The following NEMP2 variants were observed in gnomAD, a reference collection of about 807,000 sequenced individuals.
The protein encoded by NEMP2 is nuclear envelope integral membrane protein 2.
NEMP2 carries 53 observed loss-of-function variants against 54.2 expected under a neutral mutation model. The ratio of observed to expected loss-of-function variants is 0.98; its 90% CI spans 0.78 to 1.23. The LOEUF is 1.23. Ranked by LOEUF, NEMP2 falls within the 50% of genes most tolerant of loss-of-function variation. The pLI is 0.00. For missense variants in NEMP2, 455 were observed against 511.3 expected (o/e 0.89, Z 1.06); for synonymous variants, 197 against 190.3 (o/e 1.04, Z -0.29).
Position 190,525,482 on chromosome 2 carries a change from T to A in NEMP2, c.98-104A>T. ...TAACAGTAGCAGTTTTAACGTTCTA[T>A]GGCCAATAAATTCTCCTATATGATA... is the stretch of plus-strand genomic sequence containing the variant. On this transcript the variant is annotated intron_variant, in intron 1 of 8. Coordinates refer to ENST00000409150, the MANE Select transcript of NEMP2 (RefSeq NM_001142645.2). The surrounding 1 kb of genome is among the most constrained non-coding windows in gnomAD (Gnocchi z 5.0). 1 of 608,456 alleles carries A rather than the reference T, an allele frequency of 1.6e-6. No individual in the cohort carries two copies. The highest frequency in any genetic ancestry group is 2.9e-6 in the Non-Finnish European group (1 of 343,790). The allele number at this position is 608,456 out of a possible 1,614,324, so 37.7% of individuals were successfully genotyped here.
the NEMP2 span, chr2:190,607,685 T>A: frequency 6.6e-6 from 1 of 152,206 alleles, no homozygotes; most frequent in Non-Finnish European, 1.5e-5. This position sits in a 1 kb window ranked among gnomAD's most constrained non-coding sequence, Gnocchi z 5.2. Context: ...AACATAAATT[T>A]ACTATTTTAT....
At chr2:190,599,434 G>A in the NEMP2 span, among the ~76,000 whole-genome samples, 1 of 152,122 alleles carries the variant, frequency 6.6e-6, no homozygotes, top group Non-Finnish European at 1.5e-5. Context: ...TATAACTTCA[G>A]ATGAGTTATG....
At position 190,523,710 on chromosome 2, in the gene NEMP2, A is replaced by G. The variant is rs1457293414; in HGVS notation, c.213+1553T>C. Among the ~76,000 whole-genome samples the G allele has an allele frequency of 6.6e-6, 1 of 152,246 alleles. No individual in the cohort carries two copies. The highest frequency in any genetic ancestry group is 1.5e-5 in the Non-Finnish European group (1 of 68,046). On this transcript the variant is annotated intron_variant, in intron 2 of 8. Coordinates refer to ENST00000409150, the MANE Select transcript of NEMP2 (RefSeq NM_001142645.2). The surrounding 1 kb of genome is among the most constrained non-coding windows in gnomAD (Gnocchi z 5.3). The stretch of plus-strand genomic sequence containing the variant: ...AGTAGTGCTCAAAAATGCTAGGCAC[A>G]TGGCAGAAGGACACAGGAGCTAGTT...
chr2:190,480,993 T>C, the NEMP2 span, among the ~76,000 whole-genome samples: 1 of 152,366 alleles, frequency 6.6e-6, no homozygotes, highest in African/African-American at 2.4e-5. Context: ...TGAAGCCTAA[T>C]GACCAAAGCG....
chr2:190,530,527 A>G lies in NEMP2; in HGVS notation c.97+4032T>C, dbSNP rs1373724069. Among the ~76,000 whole-genome samples, 1 of 152,238 alleles carries G rather than the reference A, an allele frequency of 6.6e-6. No individual in the cohort carries two copies. Among genetic ancestry groups the G allele is most frequent in the Non-Finnish European group, 1.5e-5 (1 of 68,038 alleles). ...TAGGCAAAAGACAGTGATTGTCACA[A>G]GACTGTTATCACAGCTGGCCCACTG... On this transcript the variant is annotated intron_variant, in intron 1 of 8. Transcript: ENST00000409150. This position sits in a 1 kb window ranked among gnomAD's most constrained non-coding sequence, Gnocchi z 4.6.
the NEMP2 span, among the ~76,000 whole-genome samples, chr2:190,495,150 A>T: frequency 2.4e-4 from 37 of 152,218 alleles, no homozygotes; most frequent in Admixed American, 2.4e-3. The surrounding 1 kb of genome is among the most constrained non-coding windows in gnomAD (Gnocchi z 4.7). Flanking sequence ...AATTCAGCAA[A>T]GTTTCAGGAT....
the NEMP2 span, among the ~76,000 whole-genome samples, chr2:190,601,315 G>C: frequency 1.3e-5 from 2 of 152,182 alleles, no homozygotes; most frequent in South Asian, 4.1e-4. This position sits in a 1 kb window ranked among gnomAD's most constrained non-coding sequence, Gnocchi z 5.8. Context: ...AGCATGCCCT[G>C]TCTGCACCCT....
At chr2:190,605,977 C>T in the NEMP2 span, among the ~76,000 whole-genome samples, 124,154 of 152,136 alleles carry the variant, frequency 0.82, 50,768 homozygotes, top group Admixed American at 0.84. Context: ...TCAGACATCT[C>T]ACACTGTTTC....
Position 190,519,263 on chromosome 2 carries a change from C to T in NEMP2, c.214-80G>A, listed in dbSNP as rs886241595. ...TGGAGACAGGGTCTCCCTCTGTTGC[C>T]CAGAATGGAGTGCAGTGGCAGGATC... is the stretch of plus-strand genomic sequence containing the variant. On this transcript the variant is annotated intron_variant, in intron 2 of 8. Coordinates refer to ENST00000409150, the MANE Select transcript of NEMP2 (RefSeq NM_001142645.2). This position sits in a 1 kb window ranked among gnomAD's most constrained non-coding sequence, Gnocchi z 5.4. 9.8e-7 allele frequency: 1 copy of T among 1,021,220 alleles called. No individual in the cohort carries two copies. 63.3% of individuals were successfully genotyped at this position (1,021,220 alleles called of 1,614,324 possible).
Position 190,529,295 on chromosome 2 carries a change from C to T in NEMP2, c.98-3917G>A, listed in dbSNP as rs1442142743. Reference sequence around the variant, plus strand: ...ATAAAATCCCCCTCCCTTCCAGGGACCTGAGTGCCTCTATGACCTTCCCTC... The same window carrying T: ...ATAAAATCCCCCTCCCTTCCAGGGATCTGAGTGCCTCTATGACCTTCCCTC... On this transcript the variant is annotated intron_variant, in intron 1 of 8. Transcript: ENST00000409150. The surrounding 1 kb of genome is among the most constrained non-coding windows in gnomAD (Gnocchi z 4.7). Among the ~76,000 whole-genome samples the T allele has an allele frequency of 6.6e-6, 1 of 152,178 alleles. No homozygotes were observed. The highest frequency in any genetic ancestry group is 2.4e-5 in the African/African-American group (1 of 41,440).
the NEMP2 span, among the ~76,000 whole-genome samples, chr2:190,456,808 A>T: frequency 6.6e-6 from 1 of 152,186 alleles, no homozygotes; most frequent in African/African-American, 2.4e-5. The surrounding 1 kb of genome is among the most constrained non-coding windows in gnomAD (Gnocchi z 5.4). Flanking sequence ...TGGCTACCTC[A>T]GCAGAAATGA....
At chr2:190,452,517 C>G in the NEMP2 span, among the ~76,000 whole-genome samples, 1 of 152,268 alleles carries the variant, frequency 6.6e-6, no homozygotes, top group South Asian at 2.1e-4. Context: ...CATGATGACA[C>G]AGCCAGTAAA....
the NEMP2 span, among the ~76,000 whole-genome samples, chr2:190,584,104 G>A: frequency 6.6e-6 from 1 of 152,120 alleles, no homozygotes; most frequent in African/African-American, 2.4e-5. The surrounding 1 kb of genome is among the most constrained non-coding windows in gnomAD (Gnocchi z 4.2). Flanking sequence ...TGTTAAAAGT[G>A]CAACTTTGTC....
the NEMP2 span, among the ~76,000 whole-genome samples, chr2:190,631,091 C>A: frequency 1.3e-5 from 2 of 151,940 alleles, no homozygotes; most frequent in Admixed American, 1.3e-4. Flanking sequence ...TTTAATATTT[C>A]AACAGGCCAA....
At chr2:190,632,534 C>T in the NEMP2 span, among the ~76,000 whole-genome samples, 2 of 152,266 alleles carry the variant, frequency 1.3e-5, no homozygotes, top group African/African-American at 4.8e-5. The surrounding 1 kb of genome is among the most constrained non-coding windows in gnomAD (Gnocchi z 4.8). Context: ...TTACTGTTCT[C>T]TGATAATGGG....
downstream of NEMP2, among the ~76,000 whole-genome samples, chr2:190,504,108 C>CTGTT (rs757666882): frequency 6.6e-6 from 1 of 152,174 alleles, no homozygotes; most frequent in East Asian, 1.9e-4. This position sits in a 1 kb window ranked among gnomAD's most constrained non-coding sequence, Gnocchi z 5.6. Context: ...TGGAGTCACA[C>CTGTT]TGTTTGCATT....
chr2:190,565,993 C>A, the NEMP2 span, among the ~76,000 whole-genome samples: 7 of 150,954 alleles, frequency 4.6e-5, no homozygotes, highest in Admixed American at 3.3e-4. Context: ...TATCTCCCCC[C>A]ACCCCCCAAC....
the NEMP2 span, among the ~76,000 whole-genome samples, chr2:190,474,067 T>G: frequency 1.3e-5 from 2 of 151,050 alleles, no homozygotes; most frequent in South Asian, 2.1e-4. Context: ...GTCAAAGCAG[T>G]GTGTAGAGGG....
chr2:190,430,946 G>T, the NEMP2 span, among the ~76,000 whole-genome samples: 1 of 149,528 alleles, frequency 6.7e-6, no homozygotes, highest in Non-Finnish European at 1.5e-5. Flanking sequence ...TCACTTCTCA[G>T]ACGGGGCGGC....
Sources: allele counts gnomAD v4.1 joint callset (sites outside exome capture counted in the v4.1 genomes callset), GRCh38; gene constraint gnomAD v4.1.1; non-coding constraint Gnocchi (gnomAD v3.1); transcripts MANE v1.5; gene names NCBI Gene and HGNC (gene_info 2026-07-23, HGNC 2026-07-21).